The following SLC39A6 variants were observed in gnomAD, a reference collection of about 807,000 sequenced individuals.
SLC39A6 encodes the protein zinc transporter ZIP6.
SLC39A6 carries 51 observed loss-of-function variants against 63.5 expected under a neutral mutation model. The observed-to-expected ratio is 0.80, with a 90% confidence interval of 0.64 to 1.01. The LOEUF is 1.01. Among genes scored for constraint, SLC39A6 ranks in the 50% least tolerant of loss-of-function variants. The pLI is 0.00. For synonymous variants in SLC39A6, 318 were observed against 324.7 expected (o/e 0.98, Z 0.22); for missense variants, 805 against 927.8 (o/e 0.87, Z 1.72).
chr18:36,123,278 G>A (rs2089408826), intron 4 of SLC39A6, among the ~76,000 whole-genome samples: 1 of 152,182 alleles, frequency 6.6e-6, no homozygotes, highest in Admixed American at 6.5e-5. Context: ...GTTTCAAAAA[G>A]TTAAATTAGT....
Position 36,126,445 on chromosome 18 carries a change from G to C in SLC39A6, c.563C>G (p.Thr188Ser), listed in dbSNP as rs373236002. The C allele has an allele frequency of 6.2e-7, 1 of 1,614,204 alleles. No homozygotes were observed. Among genetic ancestry groups the C allele is most frequent in the Non-Finnish European group, 8.5e-7 (1 of 1,180,020 alleles). Residue 188 changes from threonine (T) to serine (S), a missense_variant, in exon 2 of 10, where the codon ACC becomes AGC. Transcript: ENST00000269187. ...VKDSVSASEV[T>S]STVYNTVSEG... The stretch of plus-strand genomic sequence containing the variant: ...AGAGACAGTGTTGTACACAGTTGAG[G>C]TCACTTCACTAGCACTAACACTGTC...
Position 36,123,541 on chromosome 18 carries a change from G to A in SLC39A6, c.1094C>T (p.Ala365Val). Residue 365 changes from alanine to valine, a missense_variant, in exon 4 of 10, where the codon GCC becomes GTC. By Grantham distance (64) the Ala-to-Val change is moderately conservative (BLOSUM62 0). This residue lies in a region of SLC39A6 where 639 missense variants were observed against 644.0 expected (regional missense o/e 0.99). Coordinates refer to ENST00000269187, the MANE Select transcript of SLC39A6 (RefSeq NM_012319.4). The part of the protein sequence containing the change: ...KFLLSFLVAL[A>V]VGTLSGDAFL... ...AGCATCACCACTCAAAGTCCCAACG[G>A]CCAGTGCCACAAGGAAACTCAGGAG... The A allele has an allele frequency of 2.5e-6, 4 of 1,613,534 alleles. No individual in the cohort carries two copies. Among genetic ancestry groups the A allele is most frequent in the Non-Finnish European group, 3.4e-6 (4 of 1,179,864 alleles).
rs140306730 is a variant in SLC39A6, at chr18:36,121,552, G to GT, written c.1359+499dup. On this transcript the variant is annotated intron_variant, in intron 5 of 9. Coordinates refer to ENST00000269187, the MANE Select transcript of SLC39A6 (RefSeq NM_012319.4). ...AAATTACCATAGGCGACTCAAAAGG[G>GT]TTTTTTTTGGCCAGAAAGAAAGAGC... 8.4e-3 allele frequency among the ~76,000 whole-genome samples: 1,274 copies of GT among 151,862 alleles called. 28 individuals are homozygous for GT. Among genetic ancestry groups the GT allele is most frequent in the African/African-American group, 0.029 (1,209 of 41,420 alleles).
chr18:36,110,638 A>C (rs1288817425), intron 9 of SLC39A6, among the ~76,000 whole-genome samples: 1 of 152,026 alleles, frequency 6.6e-6, no homozygotes, highest in African/African-American at 2.4e-5. Flanking sequence ...TCCTGGGTTC[A>C]AGTGATTCTC....
At chr18:36,122,362 C>A in intron 4 of SLC39A6, 92 bp from the exon 5 acceptor site, 1 of 908,086 alleles carries the variant, frequency 1.1e-6, no homozygotes, top group South Asian at 1.6e-5. Flanking sequence ...TGAAATCATT[C>A]AGTTATGCAA....
At chr18:36,124,083 T>A (rs2089415760) in intron 3 of SLC39A6, among the ~76,000 whole-genome samples, 1 of 152,084 alleles carries the variant, frequency 6.6e-6, no homozygotes, top group African/African-American at 2.4e-5. Flanking sequence ...AATTCAATAA[T>A]GTCCTCAGAA....
rs967426110 is a variant in SLC39A6 at position 36,108,613 on chromosome 18, G to A, written c.*980C>T. 5 of 152,144 alleles carry A rather than the reference G, an allele frequency of 3.3e-5. No homozygotes were observed. Among genetic ancestry groups the A allele is most frequent in the African/African-American group, 7.2e-5 (3 of 41,418 alleles). 9.4% of individuals were successfully genotyped at this position (152,144 alleles called of 1,614,324 possible). A position where few individuals can be genotyped will look rare whatever the true frequency, so the allele number is the denominator to read the frequency against. On this transcript the variant is annotated 3_prime_UTR_variant, in exon 10 of 10. Transcript: ENST00000269187. Reference sequence around the variant, plus strand: ...ACAGGCCTAGTATGGCTACAGTACCGTATATAAAAGACAATTGCTCACAAT... The same window carrying A: ...ACAGGCCTAGTATGGCTACAGTACCATATATAAAAGACAATTGCTCACAAT...
Position 36,126,684 on chromosome 18 carries a change from A to ATGGTCTGAGTGATGCTCG in SLC39A6, c.306_323dup (p.His104_Glu109dup), listed in dbSNP as rs757145280. 1.9e-6 allele frequency: 3 copies of ATGGTCTGAGTGATGCTCG among 1,603,110 alleles called. No homozygotes were observed. Among genetic ancestry groups the ATGGTCTGAGTGATGCTCG allele is most frequent in the East Asian group, 2.2e-5 (1 of 44,640 alleles). On this transcript the variant is annotated inframe_insertion, in exon 2 of 10. Coordinates refer to ENST00000269187, the MANE Select transcript of SLC39A6 (RefSeq NM_012319.4). ...GATGCTCATGGTCTGAGTGACGCTCATGGTCTGAGTGATGCTCGTGGTCTG... is the reference window on the plus strand; with the variant it reads ...GATGCTCATGGTCTGAGTGACGCTCATGGTCTGAGTGATGCTCGTGGTCTGAGTGATGCTCGTGGTCTG...
In SLC39A6 at chr18:36,126,682, T is replaced by G; in HGVS notation, c.326A>C (p.Glu109Ala). The change falls in exon 2 of 10, where the codon GAG becomes GCG. Residue 109 changes from glutamate (E) to alanine (A), a missense_variant. Transcript: ENST00000269187. ...GTGATGCTCATGGTCTGAGTGACGCTCATGGTCTGAGTGATGCTCGTGGTC... is the reference window on the plus strand; with the variant it reads ...GTGATGCTCATGGTCTGAGTGACGCGCATGGTCTGAGTGATGCTCGTGGTC... ...HSDHEHHSDH[E>A]RHSDHEHHSE... 1.9e-6 allele frequency: 3 copies of G among 1,603,482 alleles called. No homozygotes were observed. Among genetic ancestry groups the G allele is most frequent in the Non-Finnish European group, 8.5e-7 (1 of 1,172,622 alleles).
intron 9 of SLC39A6, among the ~76,000 whole-genome samples, chr18:36,110,517 C>T (rs908729298): frequency 6.8e-6 from 1 of 146,498 alleles, no homozygotes; most frequent in Non-Finnish European, 1.5e-5. Flanking sequence ...CTCATAATGA[C>T]TGCATTTAAA....
Position 36,129,126 on chromosome 18 carries a change from T to A in SLC39A6, c.-22A>T, listed in dbSNP as rs1372580387. On this transcript the variant is annotated 5_prime_UTR_variant, in exon 1 of 10. Transcript: ENST00000269187. ...CTGAAAGACTCACGTCTCCGCGGCCTCGTTGTCCCACGGCCCGGCCACGCG... is the reference window on the plus strand; with the variant it reads ...CTGAAAGACTCACGTCTCCGCGGCCACGTTGTCCCACGGCCCGGCCACGCG... The A allele has an allele frequency of 1.3e-5, 2 of 152,662 alleles. No individual in the cohort carries two copies. Among genetic ancestry groups the A allele is most frequent in the African/African-American group, 2.4e-5 (1 of 41,446 alleles). 9.5% of individuals were successfully genotyped at this position (152,662 alleles called of 1,614,324 possible). A position where few individuals can be genotyped will look rare whatever the true frequency, so the allele number is the denominator to read the frequency against.
In SLC39A6 at chr18:36,112,719, T is replaced by G. The variant is rs920442648; in HGVS notation, c.1844-138A>C. The G allele has an allele frequency of 2.5e-5, 16 of 643,384 alleles. No homozygotes were observed. The African/African-American group carries it at 2.7e-4, about 11-fold the overall frequency. 39.9% of individuals were successfully genotyped at this position (643,384 alleles called of 1,614,324 possible). A position where few individuals can be genotyped will look rare whatever the true frequency, so the allele number is the denominator to read the frequency against. ...AAGTTTCCCAAACCAACTCTGTATCTTCTTTGTAAGAAATCTTAGAGTACA... is the reference window on the plus strand; with the variant it reads ...AAGTTTCCCAAACCAACTCTGTATCGTCTTTGTAAGAAATCTTAGAGTACA... On this transcript the variant is annotated intron_variant, in intron 7 of 9. Coordinates refer to ENST00000269187, the MANE Select transcript of SLC39A6 (RefSeq NM_012319.4).
In SLC39A6 at chr18:36,126,671, C is replaced by T. The variant is rs1435574388; in HGVS notation, c.337G>A (p.Asp113Asn). ...TCGTGCTCTGAGTGATGCTCATGGT[C>T]TGAGTGACGCTCATGGTCTGAGTGA... is the stretch of plus-strand genomic sequence containing the variant. ...EHHSDHERHS[D>N]HEHHSEHEHH... The change falls in exon 2 of 10, where the codon GAC becomes AAC. Residue 113 changes from aspartate (D) to asparagine (N), a missense_variant. Physicochemically the swap from Asp to Asn is conservative, Grantham distance 23 (BLOSUM62 1). Coordinates refer to ENST00000269187, the MANE Select transcript of SLC39A6 (RefSeq NM_012319.4). The T allele has an allele frequency of 4.4e-6, 7 of 1,602,450 alleles. No homozygotes were observed. Among genetic ancestry groups the T allele is most frequent in the African/African-American group, 2.7e-5 (2 of 74,620 alleles).
chr18:36,112,823 C>T (rs79802236), intron 7 of SLC39A6, among the ~76,000 whole-genome samples: 2,107 of 152,088 alleles, frequency 0.014, 46 homozygotes, highest in African/African-American at 0.037. Flanking sequence ...TTAGAATGAG[C>T]GGATAAAGTT....
Position 36,126,363 on chromosome 18 carries a change from G to A in SLC39A6, c.645C>T (p.Pro215=). The A allele has an allele frequency of 6.2e-7, 1 of 1,614,184 alleles. No homozygotes were observed. The highest frequency in any genetic ancestry group is 8.5e-7 in the Non-Finnish European group (1 of 1,180,030). ...IETPRPGKLF[P]KDVSSSTPPS... is the part of the protein sequence containing the mutation. ...GTGGAGTGGAGCTGCTTACATCTTT[G>A]GGGAAGAGTTTTCCAGGTCTTGGAG... Residue 215 remains proline (P), a synonymous_variant, in exon 2 of 10, where the codon CCC becomes CCT. Coordinates refer to ENST00000269187, the MANE Select transcript of SLC39A6 (RefSeq NM_012319.4).
chr18:36,118,283 G>A (rs1479557337), intron 5 of SLC39A6, among the ~76,000 whole-genome samples: 1 of 152,130 alleles, frequency 6.6e-6, no homozygotes, highest in African/African-American at 2.4e-5. Context: ...CATAAAATAA[G>A]CCCCACAGTC....
At chr18:36,110,127 TTTGA>T (rs1229333042) in intron 9 of SLC39A6, among the ~76,000 whole-genome samples, 1 of 152,206 alleles carries the variant, frequency 6.6e-6, no homozygotes, top group Non-Finnish European at 1.5e-5. Flanking sequence ...ACATATTGTC[TTTGA>T]TTGCTTACAA....
At position 36,108,612 on chromosome 18, in the gene SLC39A6, C is replaced by T. The variant is rs954991126; in HGVS notation, c.*981G>A. The T allele has an allele frequency of 2.0e-5, 3 of 151,974 alleles. No homozygotes were observed. The highest frequency in any genetic ancestry group is 2.1e-4 in the South Asian group (1 of 4,824). 9.4% of individuals were successfully genotyped at this position (151,974 alleles called of 1,614,324 possible). A position where few individuals can be genotyped will look rare whatever the true frequency, so the allele number is the denominator to read the frequency against. On this transcript the variant is annotated 3_prime_UTR_variant, in exon 10 of 10. Transcript: ENST00000269187. The stretch of plus-strand genomic sequence containing the variant: ...GACAGGCCTAGTATGGCTACAGTAC[C>T]GTATATAAAAGACAATTGCTCACAA...
intron 7 of SLC39A6, among the ~76,000 whole-genome samples, chr18:36,113,657 A>G (rs1194632187): frequency 2.0e-5 from 3 of 152,244 alleles, no homozygotes; most frequent in Non-Finnish European, 4.4e-5. Flanking sequence ...AAGTTCTATA[A>G]TTCTTCATAG....
Sources: allele counts gnomAD v4.1 joint callset (sites outside exome capture counted in the v4.1 genomes callset), GRCh38; gene constraint gnomAD v4.1.1; regional missense constraint gnomAD v4.1.1; transcripts MANE v1.5; gene names NCBI Gene and HGNC (gene_info 2026-07-23, HGNC 2026-07-21).